The following RALGAPB variants were observed in gnomAD, a reference collection of about 807,000 sequenced individuals.
RALGAPB encodes Ral GTPase activating protein non-catalytic subunit beta.
Under a neutral mutation model 161.1 loss-of-function variants are expected in RALGAPB, and 25 were observed. The ratio of observed to expected loss-of-function variants is 0.16; its 90% CI spans 0.11 to 0.22. The LOEUF (loss-of-function observed/expected upper bound fraction) is 0.22. Among genes scored for constraint, RALGAPB ranks in the 10% least tolerant of loss-of-function variants. The pLI is 1.00. For missense variants in RALGAPB, 1,391 were observed against 1,815.2 expected, an observed-to-expected ratio of 0.77 and a Z score of 4.25; for synonymous variants, 629 against 626.1, an observed-to-expected ratio of 1.00 and a Z score of -0.07.
chr20:38,513,646 C>CAAA (rs552989712), intron 6 of RALGAPB, among the ~76,000 whole-genome samples: 1 of 91,754 alleles, frequency 1.1e-5, no homozygotes, highest in African/African-American at 3.4e-5. Flanking sequence ...AAGACTGTCT[C>CAAA]AAAAAAAAAA....
Position 38,542,201 on chromosome 20 carries a change from G to A in RALGAPB, c.2714+1009G>A, listed in dbSNP as rs532956230. Among the ~76,000 whole-genome samples the A allele has an allele frequency of 5.9e-5, 9 of 152,252 alleles. No individual in the cohort carries two copies. In the South Asian group the frequency reaches 1.9e-3, roughly 32 times the overall value. Reference sequence around the variant, plus strand: ...AAATGTAAAAGCAGAAAGGAGGAGTGGCAAGTTAGTGTGGGCTGGGGCATC... The same window carrying A: ...AAATGTAAAAGCAGAAAGGAGGAGTAGCAAGTTAGTGTGGGCTGGGGCATC... On this transcript the variant is annotated intron_variant, in intron 18 of 29. Transcript: ENST00000262879.
At chr20:38,554,181 AAAC>A (rs2087495413) in intron 22 of RALGAPB, 105 bp downstream of exon 22, 3 of 1,070,790 alleles carry the variant, frequency 2.8e-6, no homozygotes, top group Non-Finnish European at 1.3e-6. Context: ...AAAAAAAAAA[AAAC>A]TGGTTAAAAT....
chr20:38,529,602 G>C (rs1173442521), intron 13 of RALGAPB, among the ~76,000 whole-genome samples: 1 of 152,106 alleles, frequency 6.6e-6, no homozygotes, highest in African/African-American at 2.4e-5. Flanking sequence ...GGAGGCCGAG[G>C]TGGGTGGATC....
chr20:38,478,816 A>G (rs1291846607), intron 1 of RALGAPB, among the ~76,000 whole-genome samples: 3 of 152,022 alleles, frequency 2.0e-5, no homozygotes, highest in Non-Finnish European at 4.4e-5. Context: ...GGGTTTCTAC[A>G]TGTTGGTCAG....
chr20:38,554,512 A>T (rs951348157), intron 22 of RALGAPB, among the ~76,000 whole-genome samples: 2 of 152,198 alleles, frequency 1.3e-5, no homozygotes, highest in Non-Finnish European at 2.9e-5. Flanking sequence ...TTGTAAGTCA[A>T]GCACTTCTTA....
At chr20:38,486,166 C>T (rs906268563) in intron 1 of RALGAPB, among the ~76,000 whole-genome samples, 7 of 151,808 alleles carry the variant, frequency 4.6e-5, no homozygotes, top group African/African-American at 1.5e-4. Context: ...GACAGGGTTT[C>T]ACCATGATGT....
rs542109487 is a variant in RALGAPB at position 38,539,922 on chromosome 20, C to G, written c.2526C>G (p.Val842=). Residue 842 remains valine (V), a synonymous_variant, in exon 17 of 30, where the codon GTC becomes GTG. Coordinates refer to ENST00000262879, the MANE Select transcript of RALGAPB (RefSeq NM_020336.4). ...MIVAAFQCLC[V]WLTEHPDMLD... is the part of the protein sequence containing the mutation. ...TGGCAGCTTTTCAGTGTCTCTGTGT[C>G]TGGCTGACAGAGCACCCTGATATGC... 94 of 1,614,044 alleles carry G rather than the reference C, an allele frequency of 5.8e-5. 1 individual carries two copies. In the South Asian group the frequency reaches 6.1e-4, roughly 11 times the overall value.
chr20:38,474,171 C>G (rs534997113), intron 1 of RALGAPB, among the ~76,000 whole-genome samples: 10 of 152,328 alleles, frequency 6.6e-5, no homozygotes, highest in African/African-American at 2.4e-4. Context: ...TCTGTAACCT[C>G]TGGGTCGTTT....
intron 1 of RALGAPB, among the ~76,000 whole-genome samples, chr20:38,474,466 A>T (rs1327671718): frequency 1.3e-5 from 2 of 151,652 alleles, no homozygotes; most frequent in Non-Finnish European, 2.9e-5. Flanking sequence ...TTTTGTAGAG[A>T]TGGGGTTTCT....
intron 23 of RALGAPB, 94 bp from the exon 24 acceptor site, chr20:38,562,438 C>CA: frequency 9.3e-7 from 1 of 1,074,364 alleles, no homozygotes; most frequent in Non-Finnish European, 1.3e-6. Flanking sequence ...CATGATTTGT[C>CA]AGAAGCTTCA....
At chr20:38,474,721 C>G in intron 1 of RALGAPB, among the ~76,000 whole-genome samples, 1 of 152,138 alleles carries the variant, frequency 6.6e-6, no homozygotes, top group East Asian at 1.9e-4. Context: ...AGTTATTTTT[C>G]TGAGTTGTAG....
At chr20:38,511,784 C>T (rs1004330899) in intron 6 of RALGAPB, among the ~76,000 whole-genome samples, 2 of 152,204 alleles carry the variant, frequency 1.3e-5, no homozygotes, top group Non-Finnish European at 2.9e-5. Context: ...CCACATTTCC[C>T]GCTTTTCTAT....
intron 6 of RALGAPB, among the ~76,000 whole-genome samples, chr20:38,513,860 T>TTTA (rs1402486065): frequency 1.3e-5 from 2 of 152,226 alleles, no homozygotes; most frequent in African/African-American, 4.8e-5. Context: ...AATGTTTTTC[T>TTTA]GAATTGTCTG....
At chr20:38,490,085 C>G (rs781734722) in intron 2 of RALGAPB, among the ~76,000 whole-genome samples, 2 of 151,940 alleles carry the variant, frequency 1.3e-5, no homozygotes, top group Non-Finnish European at 2.9e-5. Flanking sequence ...CCTCGGCTCA[C>G]TGCAACTTCT....
At chr20:38,499,951 A>G (rs988653469) in intron 5 of RALGAPB, 1 of 164,654 alleles carries the variant, frequency 6.1e-6, no homozygotes, top group Non-Finnish European at 1.3e-5. Context: ...GAAACAAACC[A>G]TAGAAAGATA....
chr20:38,499,171 C>G (rs1473878040), intron 4 of RALGAPB, among the ~76,000 whole-genome samples: 1 of 152,156 alleles, frequency 6.6e-6, no homozygotes, highest in African/African-American at 2.4e-5. Context: ...CCCTGTGTCC[C>G]TCTGTCCCCC....
rs2085456444 is a variant in RALGAPB, at chr20:38,497,337, TG to T, written c.390-15del. The T allele has an allele frequency of 6.2e-7, 1 of 1,611,418 alleles. No homozygotes were observed. The highest frequency in any genetic ancestry group is 8.5e-7 in the Non-Finnish European group (1 of 1,178,546). On this transcript the variant is annotated splice_polypyrimidine_tract_variant and intron_variant, in intron 3 of 29. Coordinates refer to ENST00000262879, the MANE Select transcript of RALGAPB (RefSeq NM_020336.4). ...CTCCTCCAGGCTTGTCAGTGATATC[TG>T]TCTGTCTTCTTCAGACAGGAACAGG... is the stretch of plus-strand genomic sequence containing the variant.
chr20:38,523,607 C>T (rs1259526484), intron 10 of RALGAPB, among the ~76,000 whole-genome samples: 1 of 152,136 alleles, frequency 6.6e-6, no homozygotes, highest in Non-Finnish European at 1.5e-5. Context: ...ACAGAAGTAC[C>T]ATAATAATCA....
chr20:38,538,353 TC>T, intron 16 of RALGAPB: 1 of 219,558 alleles, frequency 4.6e-6, no homozygotes, highest in East Asian at 1.1e-4. Context: ...GCCTTAAGAA[TC>T]CCCTGCCTGA....
Sources: gnomAD v4.1 joint callset for allele counts (sites outside exome capture counted in the v4.1 genomes callset) on GRCh38, gnomAD v4.1.1 for gene constraint, MANE v1.5 for transcripts, NCBI Gene and HGNC (gene_info 2026-07-23, HGNC 2026-07-21) for gene names.